Variants in WIPF3 observed in about 807,000 individuals in gnomAD.
WIPF3 encodes the protein WAS/WASL-interacting protein family member 3.
In WIPF3, 33 loss-of-function variants were observed where a neutral mutation model predicts 38.9. The observed-to-expected ratio is 0.85, with a 90% CI of 0.64 to 1.14. The LOEUF (loss-of-function observed/expected upper bound fraction) is 1.14, where lower values mean the gene tolerates loss of function less well. WIPF3 is among the 50% of genes most tolerant of loss of function. The pLI is 0.00. For missense variants in WIPF3, 711 were observed against 652.5 expected, an observed-to-expected ratio of 1.09 and a Z score of -0.98; for synonymous variants, 324 against 269.3, an observed-to-expected ratio of 1.20 and a Z score of -1.99.
intron 7 of WIPF3, among the ~76,000 whole-genome samples, chr7:29,903,021 A>T (rs776776459): frequency 2.6e-5 from 4 of 152,030 alleles, no homozygotes; most frequent in Non-Finnish European, 4.4e-5. Flanking sequence ...TGCAGGGTGC[A>T]GTAGCTCATG....
intron 1 of WIPF3, among the ~76,000 whole-genome samples, chr7:29,833,460 C>T (rs757805707): frequency 1.3e-5 from 2 of 152,136 alleles, no homozygotes; most frequent in Admixed American, 1.3e-4. Flanking sequence ...GATGCTAGGG[C>T]GTTGAAGCCC....
chr7:29,912,774 A>G (rs548485214), intron 8 of WIPF3: 9 of 152,448 alleles, frequency 5.9e-5, no homozygotes, highest in African/African-American at 2.2e-4. Flanking sequence ...ATGCTTCAAC[A>G]TGGATGAACT....
intron 7 of WIPF3, 34 bp from the exon 8 acceptor site, chr7:29,904,252 C>T: frequency 6.2e-7 from 1 of 1,608,006 alleles, no homozygotes; most frequent in Non-Finnish European, 8.5e-7. Context: ...GTCCCTGGGC[C>T]AATAGATAAT....
At chr7:29,822,719 A>G (rs527611580) in intron 1 of WIPF3, among the ~76,000 whole-genome samples, 1 of 152,190 alleles carries the variant, frequency 6.6e-6, no homozygotes, top group Admixed American at 6.5e-5. Context: ...TGAGCAATGA[A>G]CCGTCCTGTC....
At chr7:29,857,065 G>A (rs1785197296) in intron 2 of WIPF3, among the ~76,000 whole-genome samples, 1 of 152,110 alleles carries the variant, frequency 6.6e-6, no homozygotes, top group African/African-American at 2.4e-5. Context: ...GGCTGAGCGG[G>A]AACTGAGTGA....
At chr7:29,895,244 T>G (rs1196216511) in intron 7 of WIPF3, among the ~76,000 whole-genome samples, 5 of 152,202 alleles carry the variant, frequency 3.3e-5, no homozygotes, top group Non-Finnish European at 7.3e-5. Flanking sequence ...CTAGTTTTTT[T>G]TTCCTAATGT....
chr7:29,821,645 T>C (rs972752633), intron 1 of WIPF3, among the ~76,000 whole-genome samples: 4 of 152,242 alleles, frequency 2.6e-5, no homozygotes, highest in Non-Finnish European at 4.4e-5. Context: ...TCTTAAATTA[T>C]ATGCTTGATA....
Position 29,875,889 on chromosome 7 carries a change from G to A in WIPF3, c.150G>A (p.Leu50=). The A allele has an allele frequency of 6.2e-7, 1 of 1,614,092 alleles. No individual in the cohort carries two copies. Among genetic ancestry groups the A allele is most frequent in the Non-Finnish European group, 8.5e-7 (1 of 1,179,908 alleles). ...ATCCGAAAGGCCGGAGTGCGCTGTT[G>A]GCTGATATCCAGCAAGGAACTCGCC... is the stretch of plus-strand genomic sequence containing the variant. ...RADPKGRSAL[L]ADIQQGTRLR... The change falls in exon 3 of 9, where the codon TTG becomes TTA. Residue 50 remains leucine (L), a synonymous_variant. Transcript: ENST00000242140.
intron 7 of WIPF3, among the ~76,000 whole-genome samples, chr7:29,890,970 A>T (rs1477905254): frequency 8.9e-6 from 1 of 111,788 alleles, no homozygotes; most frequent in Non-Finnish European, 1.9e-5. Flanking sequence ...CCCTGTGCTC[A>T]GGTGGAGGGG....
At chr7:29,860,560 G>A (rs1014457593) in intron 2 of WIPF3, among the ~76,000 whole-genome samples, 1 of 152,168 alleles carries the variant, frequency 6.6e-6, no homozygotes. Flanking sequence ...CAGCCTGCAG[G>A]ACTGTAAGTC....
At chr7:29,893,450 C>T (rs1786068725) in intron 7 of WIPF3, among the ~76,000 whole-genome samples, 1 of 152,118 alleles carries the variant, frequency 6.6e-6, no homozygotes, top group Non-Finnish European at 1.5e-5. Flanking sequence ...GCCATGATGT[C>T]GGCCGGGGTG....
At chr7:29,816,996 C>T (rs1244868187) in intron 1 of WIPF3, among the ~76,000 whole-genome samples, 1 of 152,140 alleles carries the variant, frequency 6.6e-6, no homozygotes, top group East Asian at 1.9e-4. Flanking sequence ...TTGTCTGATT[C>T]CCTGCACTCT....
rs1489582812 is a variant in WIPF3 at position 29,824,044 on chromosome 7, G to A, written c.-57-10624G>A. Among the ~76,000 whole-genome samples, 3 of 152,208 alleles carry A rather than the reference G, an allele frequency of 2.0e-5. No homozygotes were observed. In the South Asian group the frequency reaches 6.2e-4, roughly 32 times the overall value. On this transcript the variant is annotated intron_variant, in intron 1 of 8. Coordinates refer to ENST00000242140, the MANE Select transcript of WIPF3 (RefSeq NM_001080529.3). ...CCAAGGCAGTGGCATTTGGCATTCG[G>A]CATTACTTTTGGCTTTGGCAATACC...
chr7:29,841,743 C>T (rs139086006), intron 2 of WIPF3, among the ~76,000 whole-genome samples: 2,825 of 152,134 alleles, frequency 0.019, 57 homozygotes, highest in East Asian at 0.072. Context: ...ACCCAAGAGG[C>T]GGAGGTTGCA....
At chr7:29,860,433 C>A (rs1410989917) in intron 2 of WIPF3, among the ~76,000 whole-genome samples, 1 of 152,148 alleles carries the variant, frequency 6.6e-6, no homozygotes, top group East Asian at 1.9e-4. Flanking sequence ...CCCTGTCTCT[C>A]TTCCTTCCTC....
chr7:29,904,685 A>T, intron 8 of WIPF3: 1 of 290,274 alleles, frequency 3.4e-6, no homozygotes, highest in Non-Finnish European at 6.5e-6. Flanking sequence ...AAACTGAATA[A>T]CATGTATAAA....
Position 29,879,019 on chromosome 7 carries a change from A to G in WIPF3, c.234A>G (p.Gly78=), listed in dbSNP as rs1341919547. ...RSAPQIESSK[G]TNKEGGGSAN... is the part of the protein sequence containing the mutation. ...GTCTTCTCTCTAAAGGTTCTAAAGG[A>G]ACCAACAAAGAAGGAGGAGGTTCTG... Residue 78 remains glycine (G), a synonymous_variant, in exon 4 of 9, where the codon GGA becomes GGG. Transcript: ENST00000242140. The G allele has an allele frequency of 6.3e-7, 1 of 1,599,010 alleles. No individual in the cohort carries two copies. Among genetic ancestry groups the G allele is most frequent in the Non-Finnish European group, 8.5e-7 (1 of 1,171,868 alleles).
At chr7:29,829,226 T>A (rs1274235064) in intron 1 of WIPF3, among the ~76,000 whole-genome samples, 1 of 149,096 alleles carries the variant, frequency 6.7e-6, no homozygotes, top group African/African-American at 2.5e-5. Flanking sequence ...TTTTTTTTTT[T>A]TTTTGAGACA....
At chr7:29,808,880 A>G (rs936025546) in intron 1 of WIPF3, among the ~76,000 whole-genome samples, 1 of 152,204 alleles carries the variant, frequency 6.6e-6, no homozygotes, top group Admixed American at 6.5e-5. Flanking sequence ...ATAACCTAGG[A>G]AAGATCCGAG....
Sources: gnomAD v4.1 joint callset for allele counts (sites outside exome capture counted in the v4.1 genomes callset) on GRCh38, gnomAD v4.1.1 for gene constraint, MANE v1.5 for transcripts, NCBI Gene and HGNC (gene_info 2026-07-23, HGNC 2026-07-21) for gene names.